The following PARVA variants were observed in gnomAD, a reference collection of about 807,000 sequenced individuals.
PARVA encodes the protein parvin alpha.
In PARVA, 25 loss-of-function variants were observed where a neutral mutation model predicts 52.6. That is an observed-to-expected ratio of 0.48 (90% CI 0.35 to 0.66). PARVA has a LOEUF of 0.66. PARVA is among the 30% of genes least tolerant of loss of function. The pLI is 0.01. For missense variants in PARVA, 373 were observed against 450.9 expected (o/e 0.83, Z 1.56); for synonymous variants, 185 against 179.1 (o/e 1.03, Z -0.26).
At chr11:12,524,251 GT>G (rs1230515125) in intron 12 of PARVA, among the ~76,000 whole-genome samples, 1 of 152,298 alleles carries the variant, frequency 6.6e-6, no homozygotes, top group African/African-American at 2.4e-5. Context: ...TATTCTGGGT[GT>G]TTTTCATAAA....
chr11:12,494,859 T>A (rs1941278407), intron 4 of PARVA, among the ~76,000 whole-genome samples: 1 of 152,110 alleles, frequency 6.6e-6, no homozygotes, highest in African/African-American at 2.4e-5. Context: ...CTCACAACAG[T>A]CATCAGTAAT....
intron 9 of PARVA, 185 bp from the exon 10 acceptor site, chr11:12,513,812 A>G: frequency 1.6e-6 from 1 of 613,272 alleles, no homozygotes; most frequent in South Asian, 1.9e-5. Context: ...TGCAAAGTCG[A>G]GCCTGTGGCC....
intron 12 of PARVA, among the ~76,000 whole-genome samples, chr11:12,519,981 G>A (rs889025914): frequency 4.6e-5 from 7 of 152,178 alleles, no homozygotes; most frequent in African/African-American, 1.4e-4. Flanking sequence ...AGAAAGTTCC[G>A]ACCATCATTT....
intron 12 of PARVA, among the ~76,000 whole-genome samples, chr11:12,518,813 C>A (rs1206028415): frequency 6.6e-6 from 1 of 152,238 alleles, no homozygotes; most frequent in Non-Finnish European, 1.5e-5. Flanking sequence ...TTTTCCTGTC[C>A]CTGCACAGGG....
chr11:12,523,818 G>T (rs887362144), intron 12 of PARVA, among the ~76,000 whole-genome samples: 1 of 152,202 alleles, frequency 6.6e-6, no homozygotes, highest in African/African-American at 2.4e-5. Flanking sequence ...GAACTGAGTT[G>T]CTAATCACAC....
At chr11:12,376,945 T>C (rs138391120), upstream of PARVA, among the ~76,000 whole-genome samples, 2,475 of 152,322 alleles carry the variant, frequency 0.016, 25 homozygotes, top group South Asian at 0.023. Context: ...TCTTCCTTTG[T>C]ATAAGCTGCT....
At chr11:12,450,666 A>T (rs1564850286) in intron 1 of PARVA, among the ~76,000 whole-genome samples, 1 of 152,226 alleles carries the variant, frequency 6.6e-6, no homozygotes, top group Non-Finnish European at 1.5e-5. Context: ...CAAGGAAGCC[A>T]GTGGTGGGTC....
chr11:12,415,933 C>G (rs1287615566), intron 1 of PARVA, among the ~76,000 whole-genome samples: 1 of 152,196 alleles, frequency 6.6e-6, no homozygotes, highest in Non-Finnish European at 1.5e-5. Flanking sequence ...AAAGGCGTAG[C>G]GCCTTCTCTA....
intron 8 of PARVA, 118 bp downstream of exon 8, chr11:12,511,651 C>A: frequency 9.2e-7 from 1 of 1,092,574 alleles, no homozygotes; most frequent in Non-Finnish European, 1.4e-6. Context: ...TCTTCACCAG[C>A]CTGGGTGACA....
chr11:12,480,267 T>C (rs927896516), intron 4 of PARVA: 1 of 149,752 alleles, frequency 6.7e-6, no homozygotes, highest in African/African-American at 2.5e-5. Flanking sequence ...GAATGGCTAA[T>C]GTAATTTCTA....
chr11:12,457,002 T>C (rs1322143383), intron 1 of PARVA, among the ~76,000 whole-genome samples: 1 of 152,260 alleles, frequency 6.6e-6, no homozygotes, highest in Non-Finnish European at 1.5e-5. Context: ...TAGTTTCTTA[T>C]GGCCTTTGCC....
chr11:12,452,629 C>G (rs926871465), intron 1 of PARVA: 3 of 160,038 alleles, frequency 1.9e-5, no homozygotes, highest in African/African-American at 7.2e-5. Flanking sequence ...TCAGTAGCCC[C>G]CAGCATTTGA....
At chr11:12,483,999 C>G (rs925448157) in intron 4 of PARVA, among the ~76,000 whole-genome samples, 1 of 152,182 alleles carries the variant, frequency 6.6e-6, no homozygotes, top group African/African-American at 2.4e-5. Flanking sequence ...GAAGAAAGAG[C>G]CTTAGGTCTC....
At chr11:12,425,445 CT>C (rs1940217632) in intron 1 of PARVA, among the ~76,000 whole-genome samples, 1 of 152,140 alleles carries the variant, frequency 6.6e-6, no homozygotes, top group African/African-American at 2.4e-5. Flanking sequence ...AGTTGCACCC[CT>C]AACCCCAAAA....
intron 12 of PARVA, among the ~76,000 whole-genome samples, chr11:12,525,750 ATGGGAGCAGAAACAGAATC>A (rs1941692212): frequency 6.6e-6 from 1 of 152,120 alleles, no homozygotes; most frequent in South Asian, 2.1e-4. Flanking sequence ...ATGAAGCACC[ATGGGAGCAGAAACAGAATC>A]TGGGAGCTCC....
rs1344358069 is a variant in PARVA at position 12,473,960 on chromosome 11, C to A, written c.274C>A (p.Pro92Thr). ...TMVDPNSRSD[P>T]KLQELMKVLI... ...GGTGGATCCAAACTCACGCAGTGAC[C>A]CCAAGCTTCAAGAACTGATGAAGGT... The change falls in exon 3 of 13, where the codon CCC (proline) becomes ACC (threonine). Residue 92 changes from proline to threonine, a missense_variant. Pro to Thr is a conservative substitution (Grantham distance 38). Coordinates refer to ENST00000334956, the MANE Select transcript of PARVA (RefSeq NM_018222.5). 5 of 1,580,990 alleles carry A rather than the reference C, an allele frequency of 3.2e-6. No individual in the cohort carries two copies. In the Admixed American group the frequency reaches 7.3e-5, roughly 23 times the overall value.
At chr11:12,415,655 C>T (rs1052555905) in intron 1 of PARVA, among the ~76,000 whole-genome samples, 4 of 152,164 alleles carry the variant, frequency 2.6e-5, no homozygotes, top group African/African-American at 9.7e-5. Context: ...TAATTTGAGA[C>T]ATACATGTTA....
intron 12 of PARVA, among the ~76,000 whole-genome samples, chr11:12,527,561 C>T (rs1171270983): frequency 3.9e-5 from 6 of 152,164 alleles, no homozygotes; most frequent in Non-Finnish European, 8.8e-5. Context: ...CTCCTTTTCA[C>T]CACCCATGGT....
chr11:12,494,329 C>T (rs562487169), intron 4 of PARVA, among the ~76,000 whole-genome samples: 6 of 152,280 alleles, frequency 3.9e-5, no homozygotes, highest in Middle Eastern at 6.8e-3. Flanking sequence ...TCTCATGGGT[C>T]GGGGGTATGA....
Sources: gnomAD v4.1 joint callset for allele counts (sites outside exome capture counted in the v4.1 genomes callset) on GRCh38, gnomAD v4.1.1 for gene constraint, MANE v1.5 for transcripts, NCBI Gene and HGNC (gene_info 2026-07-23, HGNC 2026-07-21) for gene names.